The following NTNG2 variants were observed in gnomAD, a reference collection of about 807,000 sequenced individuals.
NTNG2 encodes netrin G2, also known as netrin-G2.
NTNG2 carries 15 observed loss-of-function variants against 47.6 expected under a neutral mutation model. The ratio of observed to expected loss-of-function variants is 0.32; its 90% CI spans 0.21 to 0.49. The LOEUF is 0.49. Ranked by LOEUF, NTNG2 falls within the 20% of genes least tolerant of loss-of-function variation. The pLI is 0.99. For missense variants in NTNG2, 578 were observed against 764.6 expected, an observed-to-expected ratio of 0.76 and a Z score of 2.88; for synonymous variants, 307 against 324.6, an observed-to-expected ratio of 0.95 and a Z score of 0.58.
chr9:132,210,295 C>T (rs868458452), intron 3 of NTNG2, among the ~76,000 whole-genome samples: 2 of 152,098 alleles, frequency 1.3e-5, no homozygotes, highest in South Asian at 2.1e-4. Context: ...GAGACTTGCC[C>T]GCTCAAGTCC....
chr9:132,225,336 A>G (rs1840677788), intron 3 of NTNG2, among the ~76,000 whole-genome samples: 1 of 151,998 alleles, frequency 6.6e-6, no homozygotes, highest in Non-Finnish European at 1.5e-5. Flanking sequence ...AGTGGTGCAA[A>G]CATGGCTTGC....
At chr9:132,179,311 C>T (rs1315344312) in intron 2 of NTNG2, among the ~76,000 whole-genome samples, 1 of 152,196 alleles carries the variant, frequency 6.6e-6, no homozygotes, top group Admixed American at 6.5e-5. Flanking sequence ...ATCTACTTCC[C>T]AGCCTGCTTA....
At position 132,242,010 on chromosome 9, in the gene NTNG2, G is replaced by GTC. The variant is rs1564451284; in HGVS notation, c.1492_1493insTC (p.Gly498ValfsTer347). ...CCGCTGCGACCCCGCCGACGATGAC[G>GTC]GCGGTCTGGACTGCGACCGCGCGCC... On this transcript the variant is annotated frameshift_variant, in exon 8 of 8. Coordinates refer to ENST00000393229, the MANE Select transcript of NTNG2 (RefSeq NM_032536.4). LOFTEE classifies it low-confidence loss of function (END_TRUNC). This position sits in a 1 kb window ranked among gnomAD's most constrained non-coding sequence, Gnocchi z 5.9. 1 of 1,468,314 alleles carries GTC rather than the reference G, an allele frequency of 6.8e-7. No individual in the cohort carries two copies. Among genetic ancestry groups the GTC allele is most frequent in the South Asian group, 1.3e-5 (1 of 77,410 alleles). 91.0% of individuals were successfully genotyped at this position (1,468,314 alleles called of 1,614,324 possible). A position where few individuals can be genotyped will look rare whatever the true frequency, so the allele number is the denominator to read the frequency against.
Position 132,197,958 on chromosome 9 carries a change from C to A in NTNG2, c.214-8C>A. The A allele has an allele frequency of 1.2e-6, 2 of 1,604,160 alleles. No homozygotes were observed. The highest frequency in any genetic ancestry group is 1.7e-6 in the Non-Finnish European group (2 of 1,174,392). ...ACCCACCCTTCCCTTCTCCTCTCCCCGCTGCAGGAGAATCCCTACCTATGC... is the reference window on the plus strand; with the variant it reads ...ACCCACCCTTCCCTTCTCCTCTCCCAGCTGCAGGAGAATCCCTACCTATGC... On this transcript the variant is annotated splice_region_variant and splice_polypyrimidine_tract_variant and intron_variant, in intron 2 of 7. Coordinates refer to ENST00000393229, the MANE Select transcript of NTNG2 (RefSeq NM_032536.4). The surrounding 1 kb of genome is among the most constrained non-coding windows in gnomAD (Gnocchi z 4.3).
chr9:132,167,586 TG>T (rs1835590574), intron 2 of NTNG2, among the ~76,000 whole-genome samples: 1 of 152,152 alleles, frequency 6.6e-6, no homozygotes, highest in African/African-American at 2.4e-5. Context: ...AGGATGAAGT[TG>T]GGGGTTAAGC....
rs141309731 is a variant in NTNG2 at position 132,176,886 on chromosome 9, T to C, written c.213+9842T>C. Among the ~76,000 whole-genome samples, 4 of 152,366 alleles carry C rather than the reference T, an allele frequency of 2.6e-5. No homozygotes were observed. In the East Asian group the frequency reaches 7.7e-4, roughly 29 times the overall value. ...CTGGTTTTGTTTTGTCTTATTAGGA[T>C]GAGCCTAGTGGGTGTGGGGCAGTAT... On this transcript the variant is annotated intron_variant, in intron 2 of 7. Coordinates refer to ENST00000393229, the MANE Select transcript of NTNG2 (RefSeq NM_032536.4).
intron 5 of NTNG2, chr9:132,232,362 TG>T (rs1009692560): frequency 1.3e-5 from 2 of 152,742 alleles, no homozygotes; most frequent in Non-Finnish European, 1.5e-5. Context: ...TTGGACACCG[TG>T]GGCTGCTGGG....
At chr9:132,187,538 A>G (rs1040319991) in intron 2 of NTNG2, among the ~76,000 whole-genome samples, 6 of 144,720 alleles carry the variant, frequency 4.1e-5, no homozygotes, top group African/African-American at 1.6e-4. Context: ...AAGGAGAATG[A>G]GAAACACACA....
chr9:132,217,546 G>A (rs1483369567), intron 3 of NTNG2, among the ~76,000 whole-genome samples: 2 of 152,360 alleles, frequency 1.3e-5, no homozygotes, highest in African/African-American at 4.8e-5. Context: ...GATAGTCATA[G>A]TATACTCTGC....
At chr9:132,211,645 C>T (rs1204842485) in intron 3 of NTNG2, among the ~76,000 whole-genome samples, 1 of 152,142 alleles carries the variant, frequency 6.6e-6, no homozygotes, top group African/African-American at 2.4e-5. Context: ...CTGGCAAACT[C>T]CTCACCCCTC....
At chr9:132,195,386 G>C (rs1459531012) in intron 2 of NTNG2, among the ~76,000 whole-genome samples, 1 of 151,774 alleles carries the variant, frequency 6.6e-6, no homozygotes, top group Non-Finnish European at 1.5e-5. Flanking sequence ...TCGGCTTACT[G>C]CAAGCTCCTC....
At chr9:132,191,237 G>A (rs1171851833) in intron 2 of NTNG2, among the ~76,000 whole-genome samples, 1 of 152,162 alleles carries the variant, frequency 6.6e-6, no homozygotes, top group Non-Finnish European at 1.5e-5. Flanking sequence ...ACGCCATGAA[G>A]TTCCAGGGTT....
At chr9:132,201,883 C>T (rs548326602) in intron 3 of NTNG2, among the ~76,000 whole-genome samples, 99 of 152,230 alleles carry the variant, frequency 6.5e-4, no homozygotes, top group Non-Finnish European at 1.2e-3. Flanking sequence ...GAGCGCTCCC[C>T]GCGGGGGCAG....
At chr9:132,186,333 A>G (rs1837382962) in intron 2 of NTNG2, among the ~76,000 whole-genome samples, 2 of 152,182 alleles carry the variant, frequency 1.3e-5, no homozygotes, top group African/African-American at 2.4e-5. Flanking sequence ...CATTCCTGGA[A>G]ATCTGGCTGT....
At chr9:132,212,505 G>A (rs7025107) in intron 3 of NTNG2, among the ~76,000 whole-genome samples, 92,586 of 152,028 alleles carry the variant, frequency 0.61, 30,642 homozygotes, top group African/African-American at 0.89. Flanking sequence ...GCCTGATTGC[G>A]TTCCAGGAGG....
intron 2 of NTNG2, among the ~76,000 whole-genome samples, chr9:132,181,604 C>G (rs10114567): frequency 2.0e-5 from 3 of 152,090 alleles, no homozygotes; most frequent in Non-Finnish European, 4.4e-5. Flanking sequence ...CGTGAGCCAC[C>G]GTGCCTGGCC....
chr9:132,162,564 G>C lies in NTNG2; in HGVS notation c.-484+325G>C, dbSNP rs1354157046. Among the ~76,000 whole-genome samples, 2 of 141,368 alleles carry C rather than the reference G, an allele frequency of 1.4e-5. No homozygotes were observed. The highest frequency in any genetic ancestry group is 4.2e-4 in the East Asian group (2 of 4,740). The allele number at this position is 141,368 out of a possible 152,430, so 92.7% of individuals were successfully genotyped here. A position where few individuals can be genotyped will look rare whatever the true frequency, so the allele number is the denominator to read the frequency against. On this transcript the variant is annotated intron_variant, in intron 1 of 7. Coordinates refer to ENST00000393229, the MANE Select transcript of NTNG2 (RefSeq NM_032536.4). The surrounding 1 kb of genome is among the most constrained non-coding windows in gnomAD (Gnocchi z 4.6). ...TGTGTGTGTGTGTGTGTGAGAGAGA[G>C]ACAGAGTGTGTGTGTGTGTGTGTGT...
chr9:132,230,985 A>G (rs938267950), intron 5 of NTNG2, among the ~76,000 whole-genome samples: 81 of 151,870 alleles, frequency 5.3e-4, no homozygotes, highest in Non-Finnish European at 1.1e-3. Context: ...GATCTGGGAG[A>G]GCAGTCTCTC....
intron 3 of NTNG2, among the ~76,000 whole-genome samples, chr9:132,213,598 A>T (rs191295475): frequency 5.9e-5 from 9 of 152,284 alleles, no homozygotes; most frequent in African/African-American, 2.2e-4. Flanking sequence ...ATCCTGCAGA[A>T]CACGCCAGCC....
Sources: gnomAD v4.1 joint callset for allele counts (sites outside exome capture counted in the v4.1 genomes callset) on GRCh38, gnomAD v4.1.1 for gene constraint, Gnocchi (gnomAD v3.1) non-coding constraint, MANE v1.5 for transcripts, NCBI Gene and HGNC (gene_info 2026-07-23, HGNC 2026-07-21) for gene names.